The following DPYSL3 variants were observed in gnomAD, a reference collection of about 807,000 sequenced individuals.
The protein encoded by DPYSL3 is dihydropyrimidinase-related protein 3.
In DPYSL3, 16 loss-of-function variants were observed where a neutral mutation model predicts 66.1. That is an observed-to-expected ratio of 0.24 (90% CI 0.16 to 0.37). The LOEUF (loss-of-function observed/expected upper bound fraction) is 0.37. Ranked by LOEUF, DPYSL3 falls within the 10% of genes least tolerant of loss-of-function variation. The pLI, the probability that DPYSL3 is intolerant of heterozygous loss-of-function variation, is 1.00. For missense variants in DPYSL3, 738 were observed against 916.2 expected (o/e 0.81, Z 2.51); for synonymous variants, 338 against 345.1 (o/e 0.98, Z 0.23).
At chr5:147,464,682 A>G (rs1043360981) in intron 1 of DPYSL3, among the ~76,000 whole-genome samples, 2 of 152,208 alleles carry the variant, frequency 1.3e-5, no homozygotes, top group Non-Finnish European at 2.9e-5. Flanking sequence ...TGAGAAAGCC[A>G]TGGTGACCAG....
chr5:147,401,532 G>C lies in DPYSL3; in HGVS notation c.1310+8C>G. ...AAAACGCCTGCTGCTGGGCATTCCT[G>C]CACCAACCTGGCCAGCAAGGAGTTG... On this transcript the variant is annotated splice_region_variant and intron_variant, in intron 9 of 13. Transcript: ENST00000343218. 1.2e-6 allele frequency: 2 copies of C among 1,609,254 alleles called. No individual in the cohort carries two copies. Among genetic ancestry groups the C allele is most frequent in the East Asian group, 2.2e-5 (1 of 44,780 alleles).
intron 4 of DPYSL3, among the ~76,000 whole-genome samples, chr5:147,415,367 T>C (rs1460905774): frequency 6.6e-6 from 1 of 152,112 alleles, no homozygotes; most frequent in African/African-American, 2.4e-5. Flanking sequence ...AGTTAGCCTC[T>C]CCTAACCTCA....
intron 1 of DPYSL3, among the ~76,000 whole-genome samples, chr5:147,469,651 G>GGA (rs1478331888): frequency 6.6e-6 from 1 of 152,092 alleles, no homozygotes; most frequent in East Asian, 1.9e-4. Context: ...AAAATTCCAT[G>GGA]GATATATATA....
At chr5:147,441,271 G>T (rs1004222770) in intron 1 of DPYSL3, among the ~76,000 whole-genome samples, 1 of 152,186 alleles carries the variant, frequency 6.6e-6, no homozygotes, top group African/African-American at 2.4e-5. Context: ...AATGCTAGAA[G>T]TCTGAGATCA....
chr5:147,465,769 G>A (rs996431343), intron 1 of DPYSL3, among the ~76,000 whole-genome samples: 1 of 152,170 alleles, frequency 6.6e-6, no homozygotes, highest in East Asian at 1.9e-4. Context: ...AATTCTAAAG[G>A]GTTATCCCAG....
At chr5:147,475,874 T>C (rs1346987448) in intron 1 of DPYSL3, among the ~76,000 whole-genome samples, 2 of 152,150 alleles carry the variant, frequency 1.3e-5, no homozygotes, top group African/African-American at 4.8e-5. Flanking sequence ...GATCACAAAG[T>C]AGCATCAATT....
At chr5:147,426,913 T>C (rs980870007) in intron 1 of DPYSL3, among the ~76,000 whole-genome samples, 2 of 152,214 alleles carry the variant, frequency 1.3e-5, no homozygotes, top group Admixed American at 6.5e-5. Flanking sequence ...AAACTACATA[T>C]GTGGCAAGGA....
At chr5:147,474,541 C>T (rs981151447) in intron 1 of DPYSL3, among the ~76,000 whole-genome samples, 1 of 152,060 alleles carries the variant, frequency 6.6e-6, no homozygotes, top group African/African-American at 2.4e-5. Context: ...CTCAAGCAGT[C>T]TTGTGCCAGA....
chr5:147,470,000 A>G (rs1384226204), intron 1 of DPYSL3, among the ~76,000 whole-genome samples: 3 of 152,214 alleles, frequency 2.0e-5, no homozygotes, highest in Non-Finnish European at 4.4e-5. Flanking sequence ...TGCTTCAGCT[A>G]AAGACATCCA....
At chr5:147,419,754 T>C (rs978355350) in intron 2 of DPYSL3, among the ~76,000 whole-genome samples, 3 of 152,112 alleles carry the variant, frequency 2.0e-5, no homozygotes, top group Non-Finnish European at 4.4e-5. Flanking sequence ...AATAAAGTAT[T>C]CCTGACATCT....
At chr5:147,438,188 A>G (rs960419807) in intron 1 of DPYSL3, among the ~76,000 whole-genome samples, 1 of 152,188 alleles carries the variant, frequency 6.6e-6, no homozygotes, top group Non-Finnish European at 1.5e-5. Flanking sequence ...CTAAAAACCT[A>G]TACACCCGCA....
intron 1 of DPYSL3, among the ~76,000 whole-genome samples, chr5:147,434,984 G>C (rs527720700): frequency 6.6e-6 from 1 of 152,318 alleles, no homozygotes; most frequent in East Asian, 1.9e-4. Flanking sequence ...GTTAATAAGA[G>C]AGGAAACTTG....
At chr5:147,506,177 T>C (rs904704383) in intron 1 of DPYSL3, among the ~76,000 whole-genome samples, 2 of 152,098 alleles carry the variant, frequency 1.3e-5, no homozygotes, top group African/African-American at 4.8e-5. Flanking sequence ...AGAATTAAGG[T>C]TTAAGATTAT....
intron 1 of DPYSL3, among the ~76,000 whole-genome samples, chr5:147,476,958 C>A (rs966076063): frequency 1.3e-5 from 2 of 152,152 alleles, no homozygotes; most frequent in African/African-American, 4.8e-5. Flanking sequence ...AAAGCACCAA[C>A]TCACATGAGT....
In DPYSL3 at chr5:147,509,658, G is replaced by A; in HGVS notation, c.201C>T (p.Ser67=). Residue 67 remains serine, a synonymous_variant, in exon 1 of 14, where the codon AGC becomes AGT. Transcript: ENST00000343218. The surrounding 1 kb of genome is among the most constrained non-coding windows in gnomAD (Gnocchi z 5.3). ...VGQRGAKTPR[S]GQGSDRGSGS... ...CCGATCCTCGGTCGCTGCCCTGGCC[G>A]CTCCGAGGAGTCTTCGCGCCCCGCT... 1 of 1,535,728 alleles carries A rather than the reference G, an allele frequency of 6.5e-7. No individual in the cohort carries two copies. Among genetic ancestry groups the A allele is most frequent in the Non-Finnish European group, 8.7e-7 (1 of 1,146,666 alleles).
intron 1 of DPYSL3, among the ~76,000 whole-genome samples, chr5:147,493,034 A>C (rs1753439827): frequency 6.6e-6 from 1 of 152,214 alleles, no homozygotes; most frequent in Non-Finnish European, 1.5e-5. Context: ...AAGAAAGTGC[A>C]AATAACTATA....
chr5:147,412,078 G>T (rs1033658231), intron 6 of DPYSL3, among the ~76,000 whole-genome samples: 18 of 152,104 alleles, frequency 1.2e-4, no homozygotes, highest in African/African-American at 4.3e-4. Flanking sequence ...TGATCAATTT[G>T]GGCCTTGGGG....
At chr5:147,504,220 C>T (rs759190234) in intron 1 of DPYSL3, among the ~76,000 whole-genome samples, 9 of 152,324 alleles carry the variant, frequency 5.9e-5, no homozygotes, top group Middle Eastern at 3.4e-3. Flanking sequence ...TTCTGGCTGC[C>T]TTAAACATTA....
intron 1 of DPYSL3, among the ~76,000 whole-genome samples, chr5:147,465,214 A>T (rs1303558584): frequency 6.6e-6 from 1 of 152,176 alleles, no homozygotes; most frequent in Non-Finnish European, 1.5e-5. Flanking sequence ...AAAATAAAAT[A>T]AACAAAAAAC....
Sources: gnomAD v4.1 joint callset for allele counts (sites outside exome capture counted in the v4.1 genomes callset) on GRCh38, gnomAD v4.1.1 for gene constraint, Gnocchi (gnomAD v3.1) non-coding constraint, MANE v1.5 for transcripts, NCBI Gene and HGNC (gene_info 2026-07-23, HGNC 2026-07-21) for gene names.